CD83: variants seen among roughly 807,000 people sequenced by gnomAD.
CD83 encodes the protein CD83 molecule.
A neutral mutation model predicts 24.6 loss-of-function variants in CD83; 22 were observed. The ratio of observed to expected loss-of-function variants is 0.90; its 90% CI spans 0.64 to 1.28. The LOEUF (loss-of-function observed/expected upper bound fraction) is 1.28, where lower values mean the gene tolerates loss of function less well. Ranked by LOEUF, CD83 falls within the 50% of genes most tolerant of loss-of-function variation. The pLI, the probability that CD83 is intolerant of heterozygous loss-of-function variation, is 0.00. For missense variants in CD83, 253 were observed against 252.8 expected (o/e 1.00, Z -0.01); for synonymous variants, 101 against 103.5 (o/e 0.98, Z 0.14).
At chr6:14,124,456 A>G (rs889626788) in intron 2 of CD83, among the ~76,000 whole-genome samples, 3 of 152,184 alleles carry the variant, frequency 2.0e-5, no homozygotes, top group African/African-American at 7.2e-5. Flanking sequence ...AACAGTTCAT[A>G]ATCACCTTGG....
rs1759895098 is a variant in CD83, at chr6:14,129,383, G to T, written c.154-2137G>T. On this transcript the variant is annotated intron_variant, in intron 2 of 4. Coordinates refer to ENST00000379153, the MANE Select transcript of CD83 (RefSeq NM_004233.4). This position sits in a 1 kb window ranked among gnomAD's most constrained non-coding sequence, Gnocchi z 4.3. ...GGAGAGGCAAGCAGTGTGAGCCCAT[G>T]ACGAGGCTTCAGTTTATGGTTTACT... Among the ~76,000 whole-genome samples the T allele has an allele frequency of 2.0e-5, 3 of 152,312 alleles. No individual in the cohort carries two copies. In the East Asian group the frequency reaches 5.8e-4, roughly 29 times the overall value.
intron 2 of CD83, among the ~76,000 whole-genome samples, chr6:14,124,973 A>G (rs907914772): frequency 1.1e-3 from 169 of 152,318 alleles, no homozygotes; most frequent in African/African-American, 3.7e-3. Flanking sequence ...ACACACTGAC[A>G]CAGACAACAG....
Position 14,135,627 on chromosome 6 carries a change from G to C in CD83, c.*391G>C, listed in dbSNP as rs1232563318. 1.8e-5 allele frequency: 3 copies of C among 167,816 alleles called. No individual in the cohort carries two copies. Among genetic ancestry groups the C allele is most frequent in the African/African-American group, 7.1e-5 (3 of 42,026 alleles). 10.4% of individuals were successfully genotyped at this position (167,816 alleles called of 1,614,324 possible). Reference sequence around the variant, plus strand: ...GACAGCTGTCCTCTTCTGCATCTTGGGGACATCTCTTTGAATTTTCTGTGT... The same window carrying C: ...GACAGCTGTCCTCTTCTGCATCTTGCGGACATCTCTTTGAATTTTCTGTGT... On this transcript the variant is annotated 3_prime_UTR_variant, in exon 5 of 5. Transcript: ENST00000379153.
chr6:14,122,811 G>T (rs769742946), intron 2 of CD83, among the ~76,000 whole-genome samples: 6 of 152,208 alleles, frequency 3.9e-5, no homozygotes, highest in Non-Finnish European at 5.9e-5. Context: ...CCAAATGTGT[G>T]CCCCATCCTG....
intron 2 of CD83, among the ~76,000 whole-genome samples, chr6:14,131,068 A>G (rs1757885543): frequency 6.6e-6 from 1 of 152,256 alleles, no homozygotes; most frequent in South Asian, 2.1e-4. Context: ...GGCAAGGATC[A>G]TAACAGATTT....
In CD83 at chr6:14,134,067, T is replaced by G. The variant is rs370805804; in HGVS notation, c.489+312T>G. ...GGCCCTGTAGGCGCAGTGCTAGAAG[T>G]TGCAGCGCTGAGGGTCCCCCATCCC... On this transcript the variant is annotated intron_variant, in intron 4 of 4. Transcript: ENST00000379153. 1.4e-4 allele frequency among the ~76,000 whole-genome samples: 22 copies of G among 152,262 alleles called. No individual in the cohort carries two copies. The East Asian group carries it at 2.3e-3, about 16-fold the overall frequency.
chr6:14,128,006 T>G (rs1759861246), intron 2 of CD83, among the ~76,000 whole-genome samples: 1 of 152,244 alleles, frequency 6.6e-6, no homozygotes, highest in Non-Finnish European at 1.5e-5. Context: ...GGGTTCCTTT[T>G]GTTATAAATT....
In CD83 at chr6:14,120,222, A is replaced by T. The variant is rs116274803; in HGVS notation, c.153+2157A>T. 8.5e-3 allele frequency among the ~76,000 whole-genome samples: 1,302 copies of T among 152,298 alleles called. 4 individuals carry two copies. The highest frequency in any genetic ancestry group is 0.024 in the Middle Eastern group (7 of 294). On this transcript the variant is annotated intron_variant, in intron 2 of 4. Coordinates refer to ENST00000379153, the MANE Select transcript of CD83 (RefSeq NM_004233.4). ...ACGAATCAGGTGCCTCGAAAGTGAC[A>T]TATATTGTTCCTTTAAGCATTTTTT... is the stretch of plus-strand genomic sequence containing the variant.
chr6:14,122,986 G>A (rs1215897748), intron 2 of CD83, among the ~76,000 whole-genome samples: 1 of 152,212 alleles, frequency 6.6e-6, no homozygotes, highest in Non-Finnish European at 1.5e-5. Flanking sequence ...ACATTAGAAA[G>A]TAGGCTAGAG....
intron 2 of CD83, among the ~76,000 whole-genome samples, chr6:14,123,751 G>GAAAA (rs10647098): frequency 0.16 from 16,466 of 102,814 alleles, 1,491 homozygotes; most frequent in Non-Finnish European, 0.23. Context: ...GAGTTAAATT[G>GAAAA]AAAAAAAAAA....
At chr6:14,133,032 C>T (rs1015879856) in intron 3 of CD83, among the ~76,000 whole-genome samples, 2 of 152,220 alleles carry the variant, frequency 1.3e-5, no homozygotes, top group African/African-American at 4.8e-5. Flanking sequence ...CTTTAACAGC[C>T]CTGAGGGAGT....
intron 2 of CD83, among the ~76,000 whole-genome samples, chr6:14,122,281 C>T (rs1342686932): frequency 3.3e-5 from 5 of 152,168 alleles, no homozygotes; most frequent in Non-Finnish European, 7.3e-5. Flanking sequence ...TGCGTGAGGC[C>T]ACTTCAAAAG....
At chr6:14,118,956 G>A (rs1759608294) in intron 2 of CD83, among the ~76,000 whole-genome samples, 1 of 152,114 alleles carries the variant, frequency 6.6e-6, no homozygotes, top group Non-Finnish European at 1.5e-5. Flanking sequence ...CTTACCACGG[G>A]GGCAAATCTC....
At chr6:14,123,094 G>GTTTTT (rs1308632148) in intron 2 of CD83, among the ~76,000 whole-genome samples, 2 of 149,958 alleles carry the variant, frequency 1.3e-5, no homozygotes, top group African/African-American at 4.9e-5. Flanking sequence ...TTGTTTGTTT[G>GTTTTT]TTTTTGTTTT....
chr6:14,121,890 G>C (rs1162156360), intron 2 of CD83, among the ~76,000 whole-genome samples: 1 of 152,138 alleles, frequency 6.6e-6, no homozygotes. Flanking sequence ...TTTGGTTGGA[G>C]TACTTTGGGC....
intron 3 of CD83, among the ~76,000 whole-genome samples, chr6:14,133,137 C>T (rs368269674): frequency 6.6e-6 from 1 of 152,238 alleles, no homozygotes; most frequent in Non-Finnish European, 1.5e-5. Flanking sequence ...CAGGGCAGCT[C>T]CCCTGCTTCC....
At chr6:14,123,488 T>C (rs1462239713) in intron 2 of CD83, among the ~76,000 whole-genome samples, 1 of 152,216 alleles carries the variant, frequency 6.6e-6, no homozygotes, top group Non-Finnish European at 1.5e-5. Flanking sequence ...TAGAATATGA[T>C]TCATCTTAGA....
intron 3 of CD83, among the ~76,000 whole-genome samples, chr6:14,133,343 G>GCCTTGGT (rs1465448981): frequency 2.0e-5 from 3 of 152,226 alleles, no homozygotes; most frequent in Non-Finnish European, 4.4e-5. Context: ...TGGCTCAGCC[G>GCCTTGGT]CCTTGGTCCT....
At chr6:14,131,364 C>G (rs889415287) in intron 2 of CD83, among the ~76,000 whole-genome samples, 156 bp from the exon 3 acceptor site, 2 of 152,168 alleles carry the variant, frequency 1.3e-5, no homozygotes, top group East Asian at 1.9e-4. Flanking sequence ...TTTCATAGAT[C>G]TTTCCTCCCC....
Sources: allele counts gnomAD v4.1 joint callset (sites outside exome capture counted in the v4.1 genomes callset), GRCh38; gene constraint gnomAD v4.1.1; non-coding constraint Gnocchi (gnomAD v3.1); transcripts MANE v1.5; gene names NCBI Gene and HGNC (gene_info 2026-07-23, HGNC 2026-07-21).